The following CETN3 variants were observed in gnomAD, a reference collection of about 807,000 sequenced individuals.
CETN3 encodes centrin-3.
CETN3 carries 17 observed loss-of-function variants against 20.1 expected under a neutral mutation model. That is an observed-to-expected ratio of 0.85 (90% CI 0.58 to 1.27). The LOEUF (loss-of-function observed/expected upper bound fraction) is 1.27, where lower values mean the gene tolerates loss of function less well. Among genes scored for constraint, CETN3 ranks in the 50% most tolerant of loss-of-function variants. The pLI is 0.00. For synonymous variants in CETN3, 52 were observed against 59.7 expected (o/e 0.87, Z 0.59); for missense variants, 169 against 191.2 (o/e 0.88, Z 0.69).
At chr5:90,396,403 G>T in intron 4 of CETN3, 1 of 1,446,476 alleles carries the variant, frequency 6.9e-7, no homozygotes, top group South Asian at 1.5e-5. Context: ...AGCCATGTCT[G>T]AATATCTTAG....
rs964316588 is a variant in CETN3, at chr5:90,393,349, T to C, written c.*715A>G. On this transcript the variant is annotated 3_prime_UTR_variant, in exon 5 of 5. Coordinates refer to ENST00000283122, the MANE Select transcript of CETN3 (RefSeq NM_004365.4). ...CAGTCAAGAAGTTAGAAAATTCAAA[T>C]TGTATTCATTCAATTTGTTTAAGGA... is the stretch of plus-strand genomic sequence containing the variant. 2 of 152,232 alleles carry C rather than the reference T, an allele frequency of 1.3e-5. No homozygotes were observed. The highest frequency in any genetic ancestry group is 6.5e-5 in the Admixed American group (1 of 15,286). 9.4% of individuals were successfully genotyped at this position (152,232 alleles called of 1,614,324 possible).
intron 4 of CETN3, among the ~76,000 whole-genome samples, chr5:90,395,398 T>C (rs1749115437): frequency 6.6e-6 from 1 of 152,202 alleles, no homozygotes; most frequent in South Asian, 2.1e-4. Flanking sequence ...TTGTTCTTAG[T>C]AGATGGATAT....
chr5:90,399,870 G>T (rs1241106815), intron 3 of CETN3, among the ~76,000 whole-genome samples: 2 of 152,158 alleles, frequency 1.3e-5, no homozygotes, highest in East Asian at 3.8e-4. Flanking sequence ...ATCAAGAATT[G>T]TACTAGGCTC....
rs555798978 is a variant in CETN3, at chr5:90,401,268, T to C, written c.269-1719A>G. 7.2e-5 allele frequency among the ~76,000 whole-genome samples: 11 copies of C among 152,290 alleles called. No individual in the cohort carries two copies. In the East Asian group the frequency reaches 1.9e-3, roughly 27 times the overall value. ...CTCATCATTTTGGACAGCAAAAACATTACCTAATATATAACTTTATAATGA... is the reference window on the plus strand; with the variant it reads ...CTCATCATTTTGGACAGCAAAAACACTACCTAATATATAACTTTATAATGA... On this transcript the variant is annotated intron_variant, in intron 3 of 4. Coordinates refer to ENST00000283122, the MANE Select transcript of CETN3 (RefSeq NM_004365.4).
rs765461218 is a variant in CETN3 at position 90,399,388 on chromosome 5, C to G, written c.430G>C (p.Glu144Gln). The change falls in exon 4 of 5, where the codon GAA becomes CAA. Residue 144 changes from glutamate to glutamine, a missense_variant. By Grantham distance (29) the Glu-to-Gln change is conservative (BLOSUM62 2). Transcript: ENST00000283122. Reference protein sequence around the residue: ...MSDEELRAMIEEFDKDGDGEI... With the variant: ...MSDEELRAMIQEFDKDGDGEI... Reference sequence around the variant, plus strand: ...CCATCACCATCTTTGTCAAATTCTTCTATCATAGCTCGAAGTTCTTCATCA... The same window carrying G: ...CCATCACCATCTTTGTCAAATTCTTGTATCATAGCTCGAAGTTCTTCATCA... 6.2e-7 allele frequency: 1 copy of G among 1,614,020 alleles called. No homozygotes were observed. The highest frequency in any genetic ancestry group is 1.7e-5 in the Admixed American group (1 of 60,026).
At chr5:90,405,876 T>C in intron 2 of CETN3, 77 bp from the exon 3 acceptor site, 1 of 860,076 alleles carries the variant, frequency 1.2e-6, no homozygotes, top group East Asian at 2.6e-5. Flanking sequence ...TTTTTACATC[T>C]TAAGAGATGA....
At position 90,409,693 on chromosome 5, in the gene CETN3, A is replaced by T. The variant is rs750108550; in HGVS notation, c.-32T>A. The T allele has an allele frequency of 4.3e-6, 7 of 1,613,978 alleles. No homozygotes were observed. Among genetic ancestry groups the T allele is most frequent in the Non-Finnish European group, 5.9e-6 (7 of 1,179,956 alleles). On this transcript the variant is annotated 5_prime_UTR_variant, in exon 1 of 5. Coordinates refer to ENST00000283122, the MANE Select transcript of CETN3 (RefSeq NM_004365.4). ...TTCGCACAGAGACGTTCCTCTCAAG[A>T]ACGATTTTAACCCCCTACCCAAGGC...
chr5:90,394,172 C>T (rs1215062740), intron 4 of CETN3, 65 bp from the exon 5 acceptor site: 1 of 1,115,266 alleles, frequency 9.0e-7, no homozygotes, highest in African/African-American at 1.6e-5. Context: ...GAATCCACGA[C>T]TACCATTTTA....
intron 2 of CETN3, among the ~76,000 whole-genome samples, chr5:90,406,551 G>C (rs1456261795): frequency 1.3e-5 from 2 of 151,702 alleles, no homozygotes; most frequent in African/African-American, 4.8e-5. Context: ...AAAGCAGTTA[G>C]CAAATGAAAA....
In CETN3 at chr5:90,400,747, T is replaced by C. The variant is rs147712627; in HGVS notation, c.269-1198A>G. 2.5e-3 allele frequency among the ~76,000 whole-genome samples: 375 copies of C among 152,198 alleles called. 3 individuals are homozygous for C. The highest frequency in any genetic ancestry group is 8.4e-3 in the African/African-American group (348 of 41,542). On this transcript the variant is annotated intron_variant, in intron 3 of 4. Coordinates refer to ENST00000283122, the MANE Select transcript of CETN3 (RefSeq NM_004365.4). ...TAATCACCTATTCAAATGACTATTA[T>C]ATCATCTACACATATTTTCAATAGT...
rs1749580869 is a variant in CETN3, at chr5:90,409,743, C to T, written c.-82G>A. Reference sequence around the variant, plus strand: ...CAGCAAGACGCCCACAGCCGTTCAACAGACACGAACGACCTCAGCGGCCTC... The same window carrying T: ...CAGCAAGACGCCCACAGCCGTTCAATAGACACGAACGACCTCAGCGGCCTC... On this transcript the variant is annotated 5_prime_UTR_variant, in exon 1 of 5. Coordinates refer to ENST00000283122, the MANE Select transcript of CETN3 (RefSeq NM_004365.4). 13 of 1,539,894 alleles carry T rather than the reference C, an allele frequency of 8.4e-6. No homozygotes were observed. Among genetic ancestry groups the T allele is most frequent in the Non-Finnish European group, 1.1e-5 (12 of 1,113,088 alleles).
In CETN3 at chr5:90,392,496, G is replaced by A. The variant is rs376249950; in HGVS notation, c.*1568C>T. On this transcript the variant is annotated 3_prime_UTR_variant, in exon 5 of 5. Coordinates refer to ENST00000283122, the MANE Select transcript of CETN3 (RefSeq NM_004365.4). ...ATATCATGTTGAATTGTAATCCCCA[G>A]TACTGGAGGTGAGGTCTGGTGGGAG... is the stretch of plus-strand genomic sequence containing the variant. 3 of 152,156 alleles carry A rather than the reference G, an allele frequency of 2.0e-5. No homozygotes were observed. The highest frequency in any genetic ancestry group is 4.8e-5 in the African/African-American group (2 of 41,440). The allele number at this position is 152,156 out of a possible 1,614,324, so 9.4% of individuals were successfully genotyped here.
intron 1 of CETN3, among the ~76,000 whole-genome samples, chr5:90,409,119 G>T (rs1038595540): frequency 1.3e-5 from 2 of 152,178 alleles, no homozygotes; most frequent in African/African-American, 4.8e-5. Context: ...GTAAAAAAAT[G>T]CAAGAAATTT....
chr5:90,394,250 C>A (rs1749090255), intron 4 of CETN3, 143 bp from the exon 5 acceptor site: 1 of 529,538 alleles, frequency 1.9e-6, no homozygotes, highest in Non-Finnish European at 3.3e-6. Context: ...TTTGCTTTTA[C>A]TTCTTTGTTA....
intron 1 of CETN3, 144 bp downstream of exon 1, chr5:90,409,501 G>T: frequency 2.2e-6 from 2 of 895,384 alleles, no homozygotes; most frequent in Non-Finnish European, 3.7e-6. Flanking sequence ...TGAGTGATCC[G>T]GGCAGGCTGC....
intron 4 of CETN3, 163 bp downstream of exon 4, chr5:90,399,195 C>A: frequency 4.6e-6 from 3 of 654,188 alleles, no homozygotes; most frequent in Middle Eastern, 4.2e-4. Flanking sequence ...TTTTAGAGAT[C>A]TGCTTCATTC....
intron 2 of CETN3, among the ~76,000 whole-genome samples, chr5:90,406,112 T>A (rs1370088641): frequency 6.6e-6 from 1 of 152,102 alleles, no homozygotes; most frequent in East Asian, 1.9e-4. Context: ...CTGAAGGGAT[T>A]AACAATCAAA....
chr5:90,406,051 C>CTA (rs755093170), intron 2 of CETN3, among the ~76,000 whole-genome samples: 66 of 152,150 alleles, frequency 4.3e-4, no homozygotes, highest in Non-Finnish European at 7.7e-4. Context: ...ACAGATTTTA[C>CTA]TATATAAAAT....
Position 90,403,526 on chromosome 5 carries a change from G to A in CETN3, c.268+2159C>T, listed in dbSNP as rs961484538. 5.3e-5 allele frequency among the ~76,000 whole-genome samples: 8 copies of A among 152,110 alleles called. 1 individual carries two copies. Among genetic ancestry groups the A allele is most frequent in the African/African-American group, 1.9e-4 (8 of 41,436 alleles). The stretch of plus-strand genomic sequence containing the variant: ...GTTAATAACATAGAACAGATGGGGT[G>A]TCAGGAAAAAGTGGAGGTGGCATGG... On this transcript the variant is annotated intron_variant, in intron 3 of 4. Coordinates refer to ENST00000283122, the MANE Select transcript of CETN3 (RefSeq NM_004365.4).
Sources: gnomAD v4.1 joint callset for allele counts (sites outside exome capture counted in the v4.1 genomes callset) on GRCh38, gnomAD v4.1.1 for gene constraint, MANE v1.5 for transcripts, NCBI Gene and HGNC (gene_info 2026-07-23, HGNC 2026-07-21) for gene names.